DLAT: variants seen among roughly 807,000 people sequenced by gnomAD.
The protein encoded by DLAT is dihydrolipoyllysine-residue acetyltransferase component of pyruvate dehydrogenase complex, mitochondrial.
DLAT carries 43 observed loss-of-function variants against 68.0 expected under a neutral mutation model. The ratio of observed to expected loss-of-function variants is 0.63; its 90% confidence interval spans 0.50 to 0.81. The LOEUF (loss-of-function observed/expected upper bound fraction) is 0.81. Among genes scored for constraint, DLAT ranks in the 40% least tolerant of loss-of-function variants. The probability of loss-of-function intolerance (pLI) is 0.00; values close to 1 mark genes in which losing one functional copy is unlikely to be tolerated. For missense variants in DLAT, 745 were observed against 815.4 expected (o/e 0.91, Z 1.05); for synonymous variants, 265 against 288.6 (o/e 0.92, Z 0.83).
intron 11 of DLAT, among the ~76,000 whole-genome samples, chr11:112,056,639 A>C (rs1055626666): frequency 1.3e-5 from 2 of 152,120 alleles, no homozygotes; most frequent in African/African-American, 4.8e-5. Flanking sequence ...GAGTATTTAC[A>C]TACAGTTATT....
chr11:112,031,205 A>G (rs1862374566), intron 4 of DLAT, among the ~76,000 whole-genome samples: 1 of 152,164 alleles, frequency 6.6e-6, no homozygotes, highest in Non-Finnish European at 1.5e-5. Context: ...AAACATCTTC[A>G]ATTGAAGTTA....
At position 112,025,630 on chromosome 11, in the gene DLAT, G is replaced by T. The variant is rs1166044920; in HGVS notation, c.158G>T (p.Gly53Val). The T allele has an allele frequency of 6.2e-6, 10 of 1,613,428 alleles. 1 individual carries two copies. The Admixed American group carries it at 6.7e-5, about 11-fold the overall frequency. ...CGCAACAGCGTGACTACAGGGTATGGCGGGGTCCGGGCACTGTGCGGCTGG... is the reference window on the plus strand; with the variant it reads ...CGCAACAGCGTGACTACAGGGTATGTCGGGGTCCGGGCACTGTGCGGCTGG... ...ARRNSVTTGY[G>V]GVRALCGWTP... is the part of the protein sequence containing the mutation. The change falls in exon 1 of 14, where the codon GGC becomes GTC. Residue 53 changes from glycine (G) to valine (V), a missense_variant. Transcript: ENST00000280346.
At chr11:112,027,348 C>A (rs587635873) in intron 2 of DLAT, among the ~76,000 whole-genome samples, 3 of 150,756 alleles carry the variant, frequency 2.0e-5, no homozygotes, top group East Asian at 3.9e-4. Flanking sequence ...GATGGGCGGC[C>A]GGGCAGAGGC....
chr11:112,041,280 G>T (rs75007181), intron 7 of DLAT, among the ~76,000 whole-genome samples: 1 of 152,208 alleles, frequency 6.6e-6, no homozygotes, highest in East Asian at 1.9e-4. Context: ...GCATATCTAG[G>T]TATTAGCTAT....
Position 112,051,375 on chromosome 11 carries a change from A to T in DLAT, c.1514+26A>T, listed in dbSNP as rs1555181994. 6.8e-7 allele frequency: 1 copy of T among 1,479,498 alleles called. No individual in the cohort carries two copies. The highest frequency in any genetic ancestry group is 1.4e-5 in the African/African-American group (1 of 72,390). The allele number at this position is 1,479,498 out of a possible 1,614,324, so 91.6% of individuals were successfully genotyped here. A position where few individuals can be genotyped will look rare whatever the true frequency, so the allele number is the denominator to read the frequency against. ...GTAAGTATAACTGGGGAAGATATAT[A>T]TCCATCGGTAGTTTTCTTGTATTAT... On this transcript the variant is annotated intron_variant, in intron 11 of 13. Coordinates refer to ENST00000280346, the MANE Select transcript of DLAT (RefSeq NM_001931.5). This position sits in a 1 kb window ranked among gnomAD's most constrained non-coding sequence, Gnocchi z 4.3.
At chr11:112,037,791 T>C (rs1252848527) in intron 6 of DLAT, among the ~76,000 whole-genome samples, 4 of 151,730 alleles carry the variant, frequency 2.6e-5, no homozygotes, top group Non-Finnish European at 5.9e-5. Context: ...TTTTTTTTTT[T>C]TTAAGAGACA....
In DLAT at chr11:112,051,199, AAAAG is replaced by A. The variant is rs782401224; in HGVS notation, c.1399-32_1399-29del. ...AACTTAAAATTAAAATTAAAATTAAAAAAGAAGAAACTACAGTTCTTCTTGTCTT... is the reference window on the plus strand; with the variant it reads ...AACTTAAAATTAAAATTAAAATTAAAAAGAAACTACAGTTCTTCTTGTCTT... On this transcript the variant is annotated intron_variant, in intron 10 of 13. Coordinates refer to ENST00000280346, the MANE Select transcript of DLAT (RefSeq NM_001931.5). This position sits in a 1 kb window ranked among gnomAD's most constrained non-coding sequence, Gnocchi z 4.3. The A allele has an allele frequency of 1.4e-6, 2 of 1,401,094 alleles. No individual in the cohort carries two copies. Among genetic ancestry groups the A allele is most frequent in the Non-Finnish European group, 9.9e-7 (1 of 1,008,484 alleles). 86.8% of individuals were successfully genotyped at this position (1,401,094 alleles called of 1,614,324 possible).
intron 7 of DLAT, among the ~76,000 whole-genome samples, chr11:112,039,948 T>A (rs1440705412): frequency 6.6e-6 from 1 of 152,242 alleles, no homozygotes; most frequent in Non-Finnish European, 1.5e-5. Context: ...CCTGGCTTTA[T>A]AATTTTCTAT....
In DLAT at chr11:112,062,791, G is replaced by T; in HGVS notation, c.*256G>T. The T allele has an allele frequency of 2.3e-6, 1 of 437,082 alleles. No homozygotes were observed. The highest frequency in any genetic ancestry group is 2.0e-5 in the African/African-American group (1 of 49,824). The allele number at this position is 437,082 out of a possible 1,614,324, so 27.1% of individuals were successfully genotyped here. Reference sequence around the variant, plus strand: ...AATTAAGGGACATGTATGTGGCCTTGCCTAGCCCTTTGGTGATAAGTACTT... The same window carrying T: ...AATTAAGGGACATGTATGTGGCCTTTCCTAGCCCTTTGGTGATAAGTACTT... On this transcript the variant is annotated 3_prime_UTR_variant, in exon 14 of 14. Transcript: ENST00000280346.
Position 112,063,863 on chromosome 11 carries a change from T to G in DLAT, c.*1328T>G, listed in dbSNP as rs587646798. The stretch of plus-strand genomic sequence containing the variant: ...TATGTGTTTTAATAAACGTTTGAAA[T>G]TATTTATGACTACTTAAAATGAATC... On this transcript the variant is annotated 3_prime_UTR_variant, in exon 14 of 14. Transcript: ENST00000280346. The G allele has an allele frequency of 4.6e-5, 11 of 240,218 alleles. No homozygotes were observed. The highest frequency in any genetic ancestry group is 1.8e-4 in the African/African-American group (8 of 45,010). The allele number at this position is 240,218 out of a possible 1,614,324, so 14.9% of individuals were successfully genotyped here. A position where few individuals can be genotyped will look rare whatever the true frequency, so the allele number is the denominator to read the frequency against.
intron 5 of DLAT, among the ~76,000 whole-genome samples, chr11:112,036,167 ATGTGTGTG>A (rs1311809853): frequency 0.012 from 999 of 82,498 alleles, 43 homozygotes; most frequent in African/African-American, 0.051. Flanking sequence ...GTGTGTATAT[ATGTGTGTG>A]TGTGTGTGTG....
At chr11:112,044,500 A>G (rs1320711532) in intron 8 of DLAT, among the ~76,000 whole-genome samples, 3 of 152,158 alleles carry the variant, frequency 2.0e-5, no homozygotes, top group African/African-American at 7.2e-5. Flanking sequence ...ATAATGGATT[A>G]GCTTGTTTAT....
At chr11:112,046,129 T>C (rs1863302009) in intron 10 of DLAT, among the ~76,000 whole-genome samples, 159 bp downstream of exon 10, 1 of 152,226 alleles carries the variant, frequency 6.6e-6, no homozygotes, top group Admixed American at 6.5e-5. Context: ...ATATTGGTTA[T>C]GTCCACTTTT....
At position 112,028,637 on chromosome 11, in the gene DLAT, C is replaced by T; in HGVS notation, c.504C>T (p.Gly168=). The part of the protein sequence containing the change: ...PIGAIICITV[G]KPEDIEAFKN... ...GAGCGATCATCTGTATCACAGTTGG[C>T]AAGTGAGTAGTGCGCTCATAATTTG... Residue 168 remains glycine, a splice_region_variant and synonymous_variant, in exon 3 of 14, where the codon GGC becomes GGT. Transcript: ENST00000280346. The T allele has an allele frequency of 1.2e-6, 2 of 1,614,102 alleles. No homozygotes were observed. The highest frequency in any genetic ancestry group is 1.7e-6 in the Non-Finnish European group (2 of 1,180,018).
In DLAT at chr11:112,064,046, A is replaced by G. The variant is rs1195692092; in HGVS notation, c.*1511A>G. On this transcript the variant is annotated 3_prime_UTR_variant, in exon 14 of 14. Coordinates refer to ENST00000280346, the MANE Select transcript of DLAT (RefSeq NM_001931.5). The stretch of plus-strand genomic sequence containing the variant: ...CAGACTTTTACCTTGCTGTATTATT[A>G]TGAAAACAATACATTAATTTGATTT... 2 of 832,454 alleles carry G rather than the reference A, an allele frequency of 2.4e-6. No individual in the cohort carries two copies. The highest frequency in any genetic ancestry group is 2.7e-5 in the East Asian group (1 of 36,438). The allele number at this position is 832,454 out of a possible 1,614,324, so 51.6% of individuals were successfully genotyped here.
chr11:112,036,203 T>TGTGG (rs1566617824), intron 5 of DLAT, among the ~76,000 whole-genome samples: 27 of 22,058 alleles, frequency 1.2e-3, no homozygotes, highest in African/African-American at 3.9e-3. Flanking sequence ...GTGTGTGTGT[T>TGTGG]TTTTTTTTTT....
intron 2 of DLAT, among the ~76,000 whole-genome samples, chr11:112,027,912 G>A (rs1298255462): frequency 6.7e-6 from 1 of 150,366 alleles, no homozygotes; most frequent in South Asian, 2.1e-4. Flanking sequence ...GAGGGAGACC[G>A]TGGGGAGAGG....
chr11:112,050,817 GATGAC>G (rs1555181898), intron 10 of DLAT, among the ~76,000 whole-genome samples: 1 of 152,194 alleles, frequency 6.6e-6, no homozygotes, highest in Non-Finnish European at 1.5e-5. Context: ...GAATGAAAAT[GATGAC>G]ATAACATACT....
chr11:112,039,542 A>T, intron 7 of DLAT, 145 bp downstream of exon 7: 2 of 895,216 alleles, frequency 2.2e-6, no homozygotes. Context: ...AGAAGGGAGA[A>T]ATAGTTCTTT....
Sources: gnomAD v4.1 joint callset for allele counts (sites outside exome capture counted in the v4.1 genomes callset) on GRCh38, gnomAD v4.1.1 for gene constraint, Gnocchi (gnomAD v3.1) non-coding constraint, MANE v1.5 for transcripts, NCBI Gene and HGNC (gene_info 2026-07-23, HGNC 2026-07-21) for gene names.